CTXND1: variants seen among roughly 807,000 people sequenced by gnomAD.
CTXND1 encodes the protein cortexin domain-containing 1 protein.
chr15:80,243,116 G>A (rs115620379), intron 1 of CTXND1, among the ~76,000 whole-genome samples: 138 of 152,258 alleles, frequency 9.1e-4, no homozygotes, highest in African/African-American at 3.2e-3. Flanking sequence ...GCATCTGCCC[G>A]GTTCCCTTGA....
intron 1 of CTXND1, among the ~76,000 whole-genome samples, chr15:80,206,446 TTC>T (rs370853463): frequency 1.4e-4 from 21 of 152,226 alleles, no homozygotes; most frequent in African/African-American, 4.3e-4. Context: ...TTATCTATTT[TTC>T]TATTGGTTTT....
At chr15:80,230,072 G>A (rs1206676442) in intron 1 of CTXND1, among the ~76,000 whole-genome samples, 1 of 152,072 alleles carries the variant, frequency 6.6e-6, no homozygotes, top group Non-Finnish European at 1.5e-5. Flanking sequence ...TAATAAGCTT[G>A]GTGAGTTATT....
In CTXND1 at chr15:80,240,240, C is replaced by T. The variant is rs184312559; in HGVS notation, c.-218+11767G>A. 2.6e-3 allele frequency among the ~76,000 whole-genome samples: 403 copies of T among 152,320 alleles called. 2 individuals are homozygous for T. Among genetic ancestry groups the T allele is most frequent in the African/African-American group, 9.4e-3 (390 of 41,560 alleles). Reference sequence around the variant, plus strand: ...TCGGCCTCCCAAAGTGGTGGGATTACAGGCATCAGCCACCACACCCCACCT... The same window carrying T: ...TCGGCCTCCCAAAGTGGTGGGATTATAGGCATCAGCCACCACACCCCACCT... On this transcript the variant is annotated intron_variant, in intron 1 of 2. Coordinates refer to ENST00000560778, the MANE Select transcript of CTXND1 (RefSeq NM_001352888.2).
chr15:80,221,152 G>T (rs553581075), intron 1 of CTXND1, among the ~76,000 whole-genome samples: 1 of 151,864 alleles, frequency 6.6e-6, no homozygotes, highest in South Asian at 2.1e-4. Context: ...CTCGTGATCC[G>T]CCCGCCTCGG....
rs958853024 is a variant in CTXND1 at position 80,201,580 on chromosome 15, C to T, written c.*190G>A. ...GGCTGGTCCATGGTTGCGACACCCACGGCACCCGGGCATTCCACGCTGGTG... is the reference window on the plus strand; with the variant it reads ...GGCTGGTCCATGGTTGCGACACCCATGGCACCCGGGCATTCCACGCTGGTG... On this transcript the variant is annotated 3_prime_UTR_variant, in exon 3 of 3. Transcript: ENST00000560778. 12 of 390,432 alleles carry T rather than the reference C, an allele frequency of 3.1e-5. No homozygotes were observed. The highest frequency in any genetic ancestry group is 4.5e-5 in the Non-Finnish European group (10 of 221,486). The allele number at this position is 390,432 out of a possible 1,614,324, so 24.2% of individuals were successfully genotyped here. A position where few individuals can be genotyped will look rare whatever the true frequency, so the allele number is the denominator to read the frequency against.
intron 1 of CTXND1, among the ~76,000 whole-genome samples, chr15:80,207,427 T>C (rs1436852113): frequency 6.6e-6 from 1 of 152,224 alleles, no homozygotes; most frequent in Non-Finnish European, 1.5e-5. Flanking sequence ...ACTTTTCAGT[T>C]TTAGAATTTC....
At chr15:80,233,764 A>C (rs897164056) in intron 1 of CTXND1, among the ~76,000 whole-genome samples, 1 of 152,192 alleles carries the variant, frequency 6.6e-6, no homozygotes, top group African/African-American at 2.4e-5. Context: ...CGGAGTGATT[A>C]ATCTCCCTGA....
intron 1 of CTXND1, among the ~76,000 whole-genome samples, chr15:80,231,057 C>T (rs1298448688): frequency 6.8e-6 from 1 of 147,758 alleles, no homozygotes; most frequent in Non-Finnish European, 1.5e-5. Flanking sequence ...GATTCCATCT[C>T]AAAAAAAGAA....
At chr15:80,242,513 T>C (rs1333467626) in intron 1 of CTXND1, among the ~76,000 whole-genome samples, 3 of 152,224 alleles carry the variant, frequency 2.0e-5, no homozygotes, top group Admixed American at 6.5e-5. Context: ...CCACCTCCCC[T>C]GGAGTTTGCA....
rs2142120123 is a variant in CTXND1 at position 80,201,438 on chromosome 15, G to T, written c.*332C>A. The T allele has an allele frequency of 4.6e-6, 1 of 218,290 alleles. No homozygotes were observed. Among genetic ancestry groups the T allele is most frequent in the East Asian group, 9.2e-5 (1 of 10,890 alleles). The allele number at this position is 218,290 out of a possible 1,614,324, so 13.5% of individuals were successfully genotyped here. ...GATGGATGGGGGGTGTCTGTTGCTG[G>T]ATCCAGTTCCAAAAGGTGCCCAGGA... On this transcript the variant is annotated 3_prime_UTR_variant, in exon 3 of 3. Transcript: ENST00000560778.
Position 80,201,771 on chromosome 15 carries a change from C to T in CTXND1, c.179G>A (p.Ter60=), listed in dbSNP as rs28695899. The T allele has an allele frequency of 0.28, 110,759 of 398,662 alleles. 16,140 individuals carry two copies. Among genetic ancestry groups the T allele is most frequent in the Middle Eastern group, 0.37 (579 of 1,586 alleles). 24.7% of individuals were successfully genotyped at this position (398,662 alleles called of 1,614,324 possible). ...TCCAGTCCCCACAGCCGCTGTGCCT[C>T]AGTCGTCCAGGTGCTGCTCCTCCCA... is the stretch of plus-strand genomic sequence containing the variant. ...STWEEQHLDD[*] is the part of the protein sequence containing the mutation. The change falls in exon 3 of 3, where the codon TGA becomes TAA. Residue 60 remains the stop codon, a stop_retained_variant. Coordinates refer to ENST00000560778, the MANE Select transcript of CTXND1 (RefSeq NM_001352888.2).
At chr15:80,238,439 G>T (rs1893527761) in intron 1 of CTXND1, among the ~76,000 whole-genome samples, 1 of 151,410 alleles carries the variant, frequency 6.6e-6, no homozygotes, top group East Asian at 1.9e-4. Context: ...CTTCTTTCAT[G>T]GGCTGTACAA....
rs142787800 is a variant in CTXND1, at chr15:80,245,231, C to T, written c.-218+6776G>A. On this transcript the variant is annotated intron_variant, in intron 1 of 2. Transcript: ENST00000560778. ...GGGCCTGTGATACCTCTCAGCGCTG[C>T]AGGCATCAAGACCTCTAGGTTCTGC... Among the ~76,000 whole-genome samples the T allele has an allele frequency of 2.2e-4, 33 of 152,326 alleles. No individual in the cohort carries two copies. In the East Asian group the frequency reaches 3.7e-3, roughly 17 times the overall value.
chr15:80,220,024 T>A (rs1210819889), intron 1 of CTXND1, among the ~76,000 whole-genome samples: 1 of 152,166 alleles, frequency 6.6e-6, no homozygotes, highest in African/African-American at 2.4e-5. Flanking sequence ...GTAAGCCACA[T>A]TAATCTTTTC....
chr15:80,210,227 G>A (rs1273333716), intron 1 of CTXND1, among the ~76,000 whole-genome samples: 1 of 152,184 alleles, frequency 6.6e-6, no homozygotes, highest in African/African-American at 2.4e-5. Flanking sequence ...CTGGGGGCAA[G>A]GTGGGCATGA....
intron 1 of CTXND1, among the ~76,000 whole-genome samples, chr15:80,237,364 AAAAGAAAACAGTG>A (rs1893514201): frequency 6.6e-6 from 1 of 151,610 alleles, no homozygotes; most frequent in Non-Finnish European, 1.5e-5. Context: ...AAAAGAAAGA[AAAAGAAAACAGTG>A]AATTATACAA....
chr15:80,234,142 G>A (rs1469948580), intron 1 of CTXND1, among the ~76,000 whole-genome samples: 2 of 152,138 alleles, frequency 1.3e-5, no homozygotes, highest in Non-Finnish European at 2.9e-5. Flanking sequence ...AGCATCATGC[G>A]GAAATAAGAA....
intron 1 of CTXND1, among the ~76,000 whole-genome samples, chr15:80,227,015 T>A (rs1893379317): frequency 6.6e-6 from 1 of 152,320 alleles, no homozygotes; most frequent in Non-Finnish European, 1.5e-5. Flanking sequence ...TCTCTTCATA[T>A]CTTATTCATA....
At chr15:80,244,033 T>A (rs989447132) in intron 1 of CTXND1, among the ~76,000 whole-genome samples, 2 of 152,174 alleles carry the variant, frequency 1.3e-5, no homozygotes, top group Admixed American at 1.3e-4. Flanking sequence ...ATCCTGCCCA[T>A]CTCCTCCATC....
Sources: allele counts gnomAD v4.1 joint callset (sites outside exome capture counted in the v4.1 genomes callset), GRCh38; gene constraint gnomAD v4.1.1; transcripts MANE v1.5; gene names NCBI Gene and HGNC (gene_info 2026-07-23, HGNC 2026-07-21).